Variants in COP1 observed in about 807,000 individuals in gnomAD.
The protein encoded by COP1 is E3 ubiquitin-protein ligase COP1.
A neutral mutation model predicts 101.3 loss-of-function variants in COP1; 24 were observed. That is an observed-to-expected ratio of 0.24 (90% CI 0.17 to 0.33). COP1 has a LOEUF of 0.33. COP1 is among the 10% of genes least tolerant of loss of function. The pLI is 1.00. For missense variants in COP1, 663 were observed against 906.2 expected (o/e 0.73, Z 3.45); for synonymous variants, 347 against 341.9 (o/e 1.01, Z -0.17).
At chr1:176,122,088 C>T (rs1325305946) in intron 8 of COP1, among the ~76,000 whole-genome samples, 4 of 145,202 alleles carry the variant, frequency 2.8e-5, no homozygotes, top group Non-Finnish European at 5.9e-5. Context: ...TGAAGTAAGC[C>T]GAGATCGCGC....
intron 17 of COP1, 46 bp from the exon 18 acceptor site, chr1:175,987,149 G>T (rs750287270): frequency 2.9e-6 from 3 of 1,045,696 alleles, no homozygotes; most frequent in South Asian, 1.9e-5. Flanking sequence ...GAAAAACTCG[G>T]AATTAGGACA....
rs1411442224 is a variant in COP1, at chr1:176,206,733, C to T, written c.246G>A (p.Val82=). 1 of 1,558,576 alleles carries T rather than the reference C, an allele frequency of 6.4e-7. No homozygotes were observed. Among genetic ancestry groups the T allele is most frequent in the Non-Finnish European group, 8.6e-7 (1 of 1,160,292 alleles). Residue 82 remains valine (V), a synonymous_variant, in exon 1 of 20, where the codon GTG becomes GTA. Coordinates refer to ENST00000367669, the MANE Select transcript of COP1 (RefSeq NM_022457.7). ...AGCTGTGCCGGGACAGGCCCGTGGA[C>T]ACCGCCCCGCCGCCGCTACCCGATA... ...PAVSGSGGGA[V]STGLSRHSCA...
chr1:175,996,672 C>T, intron 15 of COP1, among the ~76,000 whole-genome samples: 1 of 152,154 alleles, frequency 6.6e-6, no homozygotes, highest in East Asian at 1.9e-4. Flanking sequence ...AATAAAATAT[C>T]TAGGAATCCA....
At chr1:176,149,606 A>T (rs1379125254) in intron 5 of COP1, among the ~76,000 whole-genome samples, 3 of 152,156 alleles carry the variant, frequency 2.0e-5, no homozygotes, top group Non-Finnish European at 4.4e-5. Context: ...CAAACAACTG[A>T]AAACAAAAAA....
chr1:176,145,350 C>G (rs962723699), intron 6 of COP1, among the ~76,000 whole-genome samples: 2 of 150,472 alleles, frequency 1.3e-5, no homozygotes, highest in African/African-American at 4.9e-5. Flanking sequence ...ACTGGTATCA[C>G]ATACTGGCAA....
intron 9 of COP1, among the ~76,000 whole-genome samples, chr1:176,089,466 T>TA (rs1680892516): frequency 1.3e-5 from 2 of 152,142 alleles, no homozygotes; most frequent in African/African-American, 2.4e-5. Flanking sequence ...ATAAATCCTA[T>TA]AAAAAACAAA....
At chr1:175,949,810 G>C (rs1349084224) in intron 18 of COP1, among the ~76,000 whole-genome samples, 1 of 152,186 alleles carries the variant, frequency 6.6e-6, no homozygotes. Context: ...TTTTAATATA[G>C]AGAAGGAATG....
chr1:175,960,038 C>T (rs1651145450), intron 18 of COP1, among the ~76,000 whole-genome samples: 1 of 152,144 alleles, frequency 6.6e-6, no homozygotes, highest in African/African-American at 2.4e-5. Flanking sequence ...AATTCTAAGC[C>T]TCTTCATCAC....
At chr1:175,987,189 G>A in intron 17 of COP1, 86 bp from the exon 18 acceptor site, 1 of 684,172 alleles carries the variant, frequency 1.5e-6, no homozygotes, top group Middle Eastern at 4.2e-4. Context: ...ATCAGCCAAA[G>A]TTATAGTTCA....
At chr1:176,083,617 T>C (rs1348332292) in intron 10 of COP1, among the ~76,000 whole-genome samples, 9 of 152,228 alleles carry the variant, frequency 5.9e-5, no homozygotes, top group Non-Finnish European at 1.3e-4. Context: ...TAGTGCTTTA[T>C]AATTAACTTC....
chr1:176,190,950 G>C (rs1175325737), intron 1 of COP1, among the ~76,000 whole-genome samples: 2 of 151,822 alleles, frequency 1.3e-5, no homozygotes, highest in African/African-American at 4.8e-5. Context: ...GAGATAATCA[G>C]AGCCAGGCAC....
chr1:176,127,561 C>CTGTGTG (rs71129555), intron 8 of COP1, among the ~76,000 whole-genome samples: 21,979 of 148,106 alleles, frequency 0.15, 1,812 homozygotes, highest in Non-Finnish European at 0.19. Context: ...TAGTATTCTA[C>CTGTGTG]TGTGTGTGTG....
chr1:175,980,953 T>C (rs12139160), intron 18 of COP1, among the ~76,000 whole-genome samples: 10,334 of 152,132 alleles, frequency 0.068, 454 homozygotes, highest in Non-Finnish European at 0.087. Flanking sequence ...GGAACAAATA[T>C]ATTCATTTGT....
rs1346671161 is a variant in COP1 at position 176,177,358 on chromosome 1, AAAAG to A, written c.468-1355_468-1352del. ...TATGAGAAAAAAATATTAAAAAAAA[AAAAG>A]AAAAAAGAAAAAAATGTTATTATAC... is the stretch of plus-strand genomic sequence containing the variant. On this transcript the variant is annotated intron_variant, in intron 2 of 19. Transcript: ENST00000367669. 3.3e-5 allele frequency among the ~76,000 whole-genome samples: 5 copies of A among 151,676 alleles called. No homozygotes were observed. In the South Asian group the frequency reaches 6.2e-4, roughly 19 times the overall value.
At chr1:176,009,542 C>T (rs183142683) in intron 15 of COP1, among the ~76,000 whole-genome samples, 105 of 152,070 alleles carry the variant, frequency 6.9e-4, no homozygotes, top group East Asian at 5.0e-3. Context: ...GCGTACTGCA[C>T]GAAGGTTTTT....
intron 11 of COP1, among the ~76,000 whole-genome samples, chr1:176,058,120 G>A (rs867871857): frequency 2.8e-5 from 3 of 106,034 alleles, no homozygotes; most frequent in Non-Finnish European, 6.2e-5. Context: ...CCACCCCGTC[G>A]GGAGGGAGGT....
chr1:175,951,602 A>C (rs1649931396), intron 18 of COP1, among the ~76,000 whole-genome samples: 1 of 151,914 alleles, frequency 6.6e-6, no homozygotes, highest in Admixed American at 6.6e-5. Context: ...AGAGAAAAGA[A>C]ACAAATGAAG....
At chr1:176,128,550 C>A (rs1262951599) in intron 8 of COP1, among the ~76,000 whole-genome samples, 1 of 151,906 alleles carries the variant, frequency 6.6e-6, no homozygotes, top group Non-Finnish European at 1.5e-5. Context: ...TTTTACTACT[C>A]CCACATAAAG....
At chr1:176,094,375 T>A (rs1157642422) in intron 9 of COP1, among the ~76,000 whole-genome samples, 1 of 151,338 alleles carries the variant, frequency 6.6e-6, no homozygotes, top group East Asian at 1.9e-4. Flanking sequence ...AAATTATAAA[T>A]AATATTAATA....
Sources: gnomAD v4.1 joint callset for allele counts (sites outside exome capture counted in the v4.1 genomes callset) on GRCh38, gnomAD v4.1.1 for gene constraint, MANE v1.5 for transcripts, NCBI Gene and HGNC (gene_info 2026-07-23, HGNC 2026-07-21) for gene names.